Variants in SFMBT2 observed in about 807,000 individuals in gnomAD.
SFMBT2 encodes the protein scm-like with four MBT domains protein 2.
A neutral mutation model predicts 110.1 loss-of-function variants in SFMBT2; 38 were observed. The observed-to-expected ratio is 0.35, with a 90% CI of 0.27 to 0.45. The LOEUF (loss-of-function observed/expected upper bound fraction) is 0.45, where lower values mean the gene tolerates loss of function less well. Ranked by LOEUF, SFMBT2 falls within the 20% of genes least tolerant of loss-of-function variation. The pLI, the probability that SFMBT2 is intolerant of heterozygous loss-of-function variation, is 1.00. For synonymous variants in SFMBT2, 425 were observed against 425.4 expected (o/e 1.00, Z 0.01); for missense variants, 1,011 against 1,094.9 (o/e 0.92, Z 1.08).
intron 16 of SFMBT2, among the ~76,000 whole-genome samples, chr10:7,186,451 C>T (rs1356957919): frequency 7.7e-6 from 1 of 130,090 alleles, no homozygotes; most frequent in African/African-American, 3.2e-5. Context: ...CACACACACA[C>T]ACACACACAT....
At position 7,358,532 on chromosome 10, in the gene SFMBT2, C is replaced by T. The variant is rs564425741; in HGVS notation, c.436+9117G>A. ...ATGGCCCTGGAACAGAGGCATGGCC[C>T]GAGAACATCTGTATGGCCATGGAAG... On this transcript the variant is annotated intron_variant, in intron 4 of 20. Transcript: ENST00000397167. Among the ~76,000 whole-genome samples the T allele has an allele frequency of 2.0e-4, 30 of 151,882 alleles. No homozygotes were observed. In the South Asian group the frequency reaches 4.8e-3, roughly 24 times the overall value.
intron 2 of SFMBT2, chr10:7,370,843 G>T (rs1167808552): frequency 5.1e-6 from 5 of 975,702 alleles, no homozygotes; most frequent in Non-Finnish European, 1.2e-6. Flanking sequence ...TCATTTTAAG[G>T]GGAAAAAGAG....
intron 1 of SFMBT2, among the ~76,000 whole-genome samples, chr10:7,398,006 G>A (rs902248104): frequency 5.3e-5 from 8 of 152,130 alleles, no homozygotes; most frequent in African/African-American, 1.9e-4. Flanking sequence ...ACCTTGATTA[G>A]GACAGCAATT....
intron 4 of SFMBT2, among the ~76,000 whole-genome samples, chr10:7,326,136 T>C (rs901808071): frequency 6.6e-6 from 1 of 152,212 alleles, no homozygotes; most frequent in Non-Finnish European, 1.5e-5. Flanking sequence ...CAACTCTTGT[T>C]AAGCTTCCAA....
At chr10:7,261,997 G>A (rs1841221390) in intron 7 of SFMBT2, among the ~76,000 whole-genome samples, 3 of 152,254 alleles carry the variant, frequency 2.0e-5, no homozygotes, top group Admixed American at 1.3e-4. Flanking sequence ...CTGGGGGCAG[G>A]GGTGACAGCG....
intron 11 of SFMBT2, among the ~76,000 whole-genome samples, chr10:7,215,247 C>T (rs1702032367): frequency 6.6e-6 from 1 of 152,014 alleles, no homozygotes; most frequent in African/African-American, 2.4e-5. Context: ...ACTAAAAATA[C>T]AAAAGAAATT....
At chr10:7,256,011 A>G (rs76358607) in intron 7 of SFMBT2, among the ~76,000 whole-genome samples, 9,670 of 152,304 alleles carry the variant, frequency 0.063, 414 homozygotes, top group Admixed American at 0.089. Flanking sequence ...TCAGGCTGTA[A>G]TATCAAGTGG....
intron 15 of SFMBT2, among the ~76,000 whole-genome samples, chr10:7,190,871 G>A (rs930967150): frequency 3.3e-5 from 5 of 152,168 alleles, no homozygotes; most frequent in Non-Finnish European, 7.4e-5. Context: ...ATTCCCATGT[G>A]TTGTGGGAGG....
chr10:7,168,953 TTTTC>T (rs1358462651), intron 20 of SFMBT2, among the ~76,000 whole-genome samples: 5 of 152,108 alleles, frequency 3.3e-5, no homozygotes, highest in South Asian at 4.2e-4. Context: ...AATCATTCTT[TTTTC>T]TTTCTTTCTT....
At chr10:7,205,316 TC>T in intron 12 of SFMBT2, 1 of 714,966 alleles carries the variant, frequency 1.4e-6, no homozygotes, top group Non-Finnish European at 1.7e-6. Flanking sequence ...GGTCTCAAAA[TC>T]CTGGGCTCAA....
At chr10:7,335,306 T>C (rs1288848757) in intron 4 of SFMBT2, among the ~76,000 whole-genome samples, 4 of 152,172 alleles carry the variant, frequency 2.6e-5, no homozygotes, top group Non-Finnish European at 5.9e-5. Flanking sequence ...TTATGTCTAT[T>C]TGACAATTTT....
intron 9 of SFMBT2, among the ~76,000 whole-genome samples, chr10:7,232,190 G>C (rs1840123824): frequency 6.6e-6 from 1 of 152,168 alleles, no homozygotes; most frequent in Non-Finnish European, 1.5e-5. Flanking sequence ...CAAAAGGGAA[G>C]AGGTTGATGA....
chr10:7,207,472 A>G (rs1839184803), intron 11 of SFMBT2: 1 of 145,070 alleles, frequency 6.9e-6, no homozygotes, highest in African/African-American at 2.8e-5. Context: ...AGAAAGAAAG[A>G]GAAAGGAAGG....
intron 1 of SFMBT2, among the ~76,000 whole-genome samples, chr10:7,393,113 C>T (rs1845828067): frequency 1.3e-5 from 2 of 148,746 alleles, no homozygotes; most frequent in South Asian, 2.1e-4. Flanking sequence ...GCTCACTCAA[C>T]CTCCGCCTCC....
intron 4 of SFMBT2, among the ~76,000 whole-genome samples, chr10:7,294,201 A>G (rs564206721): frequency 5.0e-4 from 76 of 152,266 alleles, no homozygotes; most frequent in African/African-American, 1.7e-3. Context: ...ACAAGAAAGG[A>G]AACCCACAAA....
intron 4 of SFMBT2, among the ~76,000 whole-genome samples, chr10:7,326,731 G>A (rs1843395584): frequency 6.6e-6 from 1 of 152,150 alleles, no homozygotes; most frequent in Non-Finnish European, 1.5e-5. Flanking sequence ...TCCGTTTTGA[G>A]CTGTGCAGTT....
intron 4 of SFMBT2, among the ~76,000 whole-genome samples, chr10:7,353,342 G>A (rs1232932319): frequency 6.6e-6 from 1 of 152,130 alleles, no homozygotes; most frequent in Non-Finnish European, 1.5e-5. Context: ...CTTCCTGTCA[G>A]CTCTTGTTTT....
At chr10:7,257,122 G>GGAGGA (rs1189934189) in intron 7 of SFMBT2, among the ~76,000 whole-genome samples, 1 of 148,960 alleles carries the variant, frequency 6.7e-6, no homozygotes, top group African/African-American at 2.5e-5. Context: ...GGAGGGGAGG[G>GGAGGA]GAAAGAAAAG....
In SFMBT2 at chr10:7,160,180, C is replaced by G. The variant is rs138241533; in HGVS notation, c.*3590G>C. On this transcript the variant is annotated 3_prime_UTR_variant, in exon 21 of 21. Transcript: ENST00000397167. ...TTGAAAGTGATGGATGAGTTCCCCA[C>G]GCTGTGCAGCTCCGTGGTGAAGTTC... 1.3e-5 allele frequency: 2 copies of G among 152,188 alleles called. No individual in the cohort carries two copies. Among genetic ancestry groups the G allele is most frequent in the Admixed American group, 6.5e-5 (1 of 15,278 alleles). The allele number at this position is 152,188 out of a possible 1,614,324, so 9.4% of individuals were successfully genotyped here.
Sources: allele counts gnomAD v4.1 joint callset (sites outside exome capture counted in the v4.1 genomes callset), GRCh38; gene constraint gnomAD v4.1.1; transcripts MANE v1.5; gene names NCBI Gene and HGNC (gene_info 2026-07-23, HGNC 2026-07-21).